The following LUZP2 variants were observed in gnomAD, a reference collection of about 807,000 sequenced individuals.
LUZP2 encodes leucine zipper protein 2.
A neutral mutation model predicts 51.6 loss-of-function variants in LUZP2; 52 were observed. That is an observed-to-expected ratio of 1.01 (90% CI 0.81 to 1.27). The LOEUF (loss-of-function observed/expected upper bound fraction) is 1.27, where lower values mean the gene tolerates loss of function less well. Among genes scored for constraint, LUZP2 ranks in the 50% most tolerant of loss-of-function variants. The pLI, the probability that LUZP2 is intolerant of heterozygous loss-of-function variation, is 0.00. For synonymous variants in LUZP2, 154 were observed against 137.3 expected (o/e 1.12, Z -0.85); for missense variants, 436 against 395.4 (o/e 1.10, Z -0.87).
intron 7 of LUZP2, among the ~76,000 whole-genome samples, chr11:24,958,498 G>A (rs1461681388): frequency 2.6e-5 from 4 of 152,092 alleles, no homozygotes; most frequent in Non-Finnish European, 4.4e-5. Flanking sequence ...TTTCTCTGAT[G>A]GCCAGTGATG....
At chr11:25,014,451 G>A (rs1395338463) in intron 9 of LUZP2, among the ~76,000 whole-genome samples, 1 of 152,158 alleles carries the variant, frequency 6.6e-6, no homozygotes, top group African/African-American at 2.4e-5. Context: ...TCTAAATGGT[G>A]TGAGATGGTA....
chr11:24,668,977 C>T (rs879497890), intron 1 of LUZP2, among the ~76,000 whole-genome samples: 5 of 152,022 alleles, frequency 3.3e-5, no homozygotes, highest in African/African-American at 4.8e-5. Context: ...CTATATTTTT[C>T]AGTAAACGGC....
At chr11:24,781,106 C>T (rs1381913544) in intron 5 of LUZP2, among the ~76,000 whole-genome samples, 1 of 152,126 alleles carries the variant, frequency 6.6e-6, no homozygotes, top group Admixed American at 6.5e-5. Context: ...ATCTTTATCA[C>T]TTTGCATTAA....
chr11:24,639,877 C>G (rs1590280219), intron 1 of LUZP2, among the ~76,000 whole-genome samples: 2 of 150,528 alleles, frequency 1.3e-5, no homozygotes, highest in African/African-American at 5.0e-5. Flanking sequence ...TCCTCACTAC[C>G]CTGTGTGTCC....
intron 7 of LUZP2, among the ~76,000 whole-genome samples, chr11:24,969,121 C>G (rs577583138): frequency 2.8e-3 from 429 of 152,088 alleles, no homozygotes; most frequent in Non-Finnish European, 4.9e-3. Context: ...ATCCCAGTAC[C>G]CAATAGTTAT....
chr11:24,597,078 A>C (rs1853467185), intron 1 of LUZP2, among the ~76,000 whole-genome samples: 1 of 152,168 alleles, frequency 6.6e-6, no homozygotes, highest in Non-Finnish European at 1.5e-5. Context: ...TGCTATTAGA[A>C]AGATAAAATG....
At chr11:25,045,118 T>G in intron 9 of LUZP2, among the ~76,000 whole-genome samples, 1 of 149,222 alleles carries the variant, frequency 6.7e-6, no homozygotes, top group African/African-American at 2.5e-5. Flanking sequence ...AATGACGAGT[T>G]AATGGGTGCA....
At chr11:24,546,871 G>T (rs1186031349) in intron 1 of LUZP2, among the ~76,000 whole-genome samples, 1 of 151,866 alleles carries the variant, frequency 6.6e-6, no homozygotes, top group African/African-American at 2.4e-5. Flanking sequence ...TTGTACATCT[G>T]GTATACAATT....
intron 8 of LUZP2, among the ~76,000 whole-genome samples, chr11:24,982,446 A>C (rs1472851022): frequency 6.6e-6 from 1 of 151,900 alleles, no homozygotes; most frequent in Non-Finnish European, 1.5e-5. Flanking sequence ...GAATGAGATC[A>C]TGTCTTTTGC....
rs535871433 is a variant in LUZP2 at position 24,910,589 on chromosome 11, T to C, written c.460-3887T>C. 9.2e-5 allele frequency among the ~76,000 whole-genome samples: 14 copies of C among 152,296 alleles called. 1 individual carries two copies. In the South Asian group the frequency reaches 2.9e-3, roughly 32 times the overall value. On this transcript the variant is annotated intron_variant, in intron 6 of 11. Transcript: ENST00000336930. ...AAGCACCAAGCCTTGGTGCCTTCCA[T>C]GTGGTATTGAGCCTGTGGGCACACA...
intron 5 of LUZP2, among the ~76,000 whole-genome samples, chr11:24,857,518 G>A (rs1266481325): frequency 6.6e-6 from 1 of 150,680 alleles, no homozygotes; most frequent in Non-Finnish European, 1.5e-5. Context: ...TATGTTGCTT[G>A]GAATCCTAGC....
chr11:25,070,522 G>A (rs963821331), intron 10 of LUZP2, among the ~76,000 whole-genome samples: 3 of 137,064 alleles, frequency 2.2e-5, no homozygotes, highest in African/African-American at 8.4e-5. Context: ...CTGCCTGTGA[G>A]AACCTATCAA....
At chr11:24,895,499 C>T (rs1048591606) in intron 5 of LUZP2, among the ~76,000 whole-genome samples, 2 of 151,960 alleles carry the variant, frequency 1.3e-5, no homozygotes, top group Non-Finnish European at 2.9e-5. Flanking sequence ...GTCTTTAAAC[C>T]CTTGCCTGCC....
chr11:24,822,002 AG>A (rs1463646902), intron 5 of LUZP2, among the ~76,000 whole-genome samples: 3 of 150,894 alleles, frequency 2.0e-5, no homozygotes, highest in African/African-American at 7.3e-5. Context: ...TACTATTGAC[AG>A]TTTACTTAAT....
At chr11:24,879,780 C>A (rs1418217028) in intron 5 of LUZP2, among the ~76,000 whole-genome samples, 2 of 152,086 alleles carry the variant, frequency 1.3e-5, no homozygotes, top group Non-Finnish European at 2.9e-5. Flanking sequence ...AAGGGAGCCT[C>A]ACAATTTTTA....
At chr11:24,605,433 A>C (rs929613360) in intron 1 of LUZP2, among the ~76,000 whole-genome samples, 1 of 151,610 alleles carries the variant, frequency 6.6e-6, no homozygotes, top group South Asian at 2.1e-4. Flanking sequence ...AACAAAACAA[A>C]ACCCCCCAAA....
chr11:24,804,958 T>C (rs73442852), intron 5 of LUZP2, among the ~76,000 whole-genome samples: 2,529 of 151,582 alleles, frequency 0.017, 75 homozygotes, highest in African/African-American at 0.058. Flanking sequence ...TCCTGTTTTA[T>C]CTTCCTGAGT....
chr11:24,800,216 A>G (rs1849658695), intron 5 of LUZP2, among the ~76,000 whole-genome samples: 1 of 152,064 alleles, frequency 6.6e-6, no homozygotes. Flanking sequence ...TCTGAAGGTG[A>G]TAACGGATAA....
intron 9 of LUZP2, among the ~76,000 whole-genome samples, chr11:25,034,919 G>C (rs551555047): frequency 1.3e-5 from 2 of 151,956 alleles, no homozygotes; most frequent in Non-Finnish European, 1.5e-5. Flanking sequence ...TACATAAACA[G>C]AATTAAAAGC....
Sources: gnomAD v4.1 joint callset for allele counts (sites outside exome capture counted in the v4.1 genomes callset) on GRCh38, gnomAD v4.1.1 for gene constraint, MANE v1.5 for transcripts, NCBI Gene and HGNC (gene_info 2026-07-23, HGNC 2026-07-21) for gene names.